The following GARNL3 variants were observed in gnomAD, a reference collection of about 807,000 sequenced individuals.
GARNL3 encodes the protein GTPase-activating Rap/Ran-GAP domain-like protein 3.
In GARNL3, 63 loss-of-function variants were observed where a neutral mutation model predicts 125.0. The ratio of observed to expected loss-of-function variants is 0.50; its 90% CI spans 0.41 to 0.62. The LOEUF (loss-of-function observed/expected upper bound fraction) is 0.62, where lower values mean the gene tolerates loss of function less well. GARNL3 is among the 20% of genes least tolerant of loss of function. GARNL3 has a pLI of 0.00. For missense variants in GARNL3, 994 were observed against 1,244.0 expected (o/e 0.80, Z 3.02); for synonymous variants, 439 against 457.5 (o/e 0.96, Z 0.52).
intron 4 of GARNL3, among the ~76,000 whole-genome samples, chr9:127,314,936 T>A (rs1372845667): frequency 6.6e-6 from 1 of 152,054 alleles, no homozygotes; most frequent in African/African-American, 2.4e-5. Flanking sequence ...AGAAGGGGAA[T>A]CAGAGAGTGT....
upstream of GARNL3, among the ~76,000 whole-genome samples, chr9:127,262,363 T>C (rs2063611795): frequency 6.6e-6 from 1 of 152,222 alleles, no homozygotes; most frequent in Admixed American, 6.5e-5. Context: ...CAGAGACCCA[T>C]GTTTTTCCAT....
At chr9:127,376,263 T>C (rs1408881120) in intron 22 of GARNL3, among the ~76,000 whole-genome samples, 1 of 149,138 alleles carries the variant, frequency 6.7e-6, no homozygotes, top group Admixed American at 6.7e-5. Flanking sequence ...CCCAGCCTCT[T>C]AACATTTTTT....
intron 21 of GARNL3, among the ~76,000 whole-genome samples, chr9:127,358,272 G>GTA (rs1452841314): frequency 6.6e-6 from 1 of 152,228 alleles, no homozygotes; most frequent in Non-Finnish European, 1.5e-5. Flanking sequence ...TTCAGCCCAC[G>GTA]TATGTATCTC....
At chr9:127,342,440 C>T (rs979459328) in intron 14 of GARNL3, 106 bp downstream of exon 14, 6 of 740,542 alleles carry the variant, frequency 8.1e-6, no homozygotes, top group Admixed American at 2.2e-5. Context: ...TAGGAGGCGC[C>T]TTGATCCTTG....
chr9:127,388,485 C>A (rs1832666763), intron 25 of GARNL3: 1 of 222,498 alleles, frequency 4.5e-6, no homozygotes, highest in East Asian at 1.3e-4. Flanking sequence ...TGCAGTCTTT[C>A]ACTCTATCTG....
rs141385898 is a variant in GARNL3 at position 127,369,984 on chromosome 9, G to A, written c.2161+4618G>A. Reference sequence around the variant, plus strand: ...ACACCTGAGAGCATCAGAGCCACAGGCAGCCGTGGCAGTGGTGCCCAAGGT... The same window carrying A: ...ACACCTGAGAGCATCAGAGCCACAGACAGCCGTGGCAGTGGTGCCCAAGGT... On this transcript the variant is annotated intron_variant, in intron 22 of 27. Transcript: ENST00000373387. Among the ~76,000 whole-genome samples the A allele has an allele frequency of 5.4e-3, 821 of 152,290 alleles. 6 individuals carry two copies. The highest frequency in any genetic ancestry group is 0.034 in the Middle Eastern group (10 of 294).
At chr9:127,312,927 C>A (rs1406459816) in intron 3 of GARNL3, among the ~76,000 whole-genome samples, 1 of 152,198 alleles carries the variant, frequency 6.6e-6, no homozygotes, top group African/African-American at 2.4e-5. Context: ...CTGACTCAAA[C>A]TGGCACAAAC....
chr9:127,229,022 C>T (rs929893337), intron 1 of GARNL3, among the ~76,000 whole-genome samples: 1 of 152,148 alleles, frequency 6.6e-6, no homozygotes, highest in Non-Finnish European at 1.5e-5. Context: ...CGGGGTTTCA[C>T]CATGATGGCC....
At chr9:127,379,233 G>C (rs1351853286) in intron 22 of GARNL3, among the ~76,000 whole-genome samples, 2 of 152,200 alleles carry the variant, frequency 1.3e-5, no homozygotes, top group Non-Finnish European at 2.9e-5. Flanking sequence ...CTTGGTTAGA[G>C]GTTAGTTGAC....
chr9:127,263,943 T>A, upstream of GARNL3: 1 of 1,517,438 alleles, frequency 6.6e-7, no homozygotes, highest in Non-Finnish European at 8.8e-7. Flanking sequence ...TTTCTGCATG[T>A]GCCAAGAGGG....
chr9:127,321,531 A>G (rs1266191742), intron 6 of GARNL3, among the ~76,000 whole-genome samples: 3 of 152,244 alleles, frequency 2.0e-5, no homozygotes, highest in African/African-American at 7.2e-5. Flanking sequence ...GTATCCAGAA[A>G]GCCATTCCTG....
upstream of GARNL3, among the ~76,000 whole-genome samples, chr9:127,260,542 G>A (rs1464575161): frequency 3.3e-5 from 5 of 152,124 alleles, no homozygotes; most frequent in African/African-American, 7.2e-5. Context: ...TATACTACAG[G>A]GATTGACAAA....
intron 1 of GARNL3, among the ~76,000 whole-genome samples, chr9:127,240,289 G>A (rs556023954): frequency 6.6e-5 from 10 of 152,154 alleles, no homozygotes; most frequent in Non-Finnish European, 8.8e-5. Flanking sequence ...TCCCTTTACC[G>A]TTTCTGTGCT....
chr9:127,345,450 G>C lies in GARNL3; in HGVS notation c.1404G>C (p.Leu468Phe). The C allele has an allele frequency of 1.2e-6, 2 of 1,608,110 alleles. No homozygotes were observed. Among genetic ancestry groups the C allele is most frequent in the Non-Finnish European group, 1.7e-6 (2 of 1,176,802 alleles). Residue 468 changes from leucine to phenylalanine, a missense_variant, in exon 16 of 28, where the codon TTG (leucine) becomes TTC (phenylalanine). By Grantham distance (22) the Leu-to-Phe change is conservative (BLOSUM62 0). Transcript: ENST00000373387. ...TGAGAGGGGATGCTCCATCAAGCTT[G>C]GCAGCTTCAGGGATCTGTAAAAAAG... ...SIVRGDAPSS[L>F]AASGICKKEP...
chr9:127,311,520 C>G (rs1455527922), intron 2 of GARNL3, 116 bp from the exon 3 acceptor site: 3 of 716,488 alleles, frequency 4.2e-6, no homozygotes, highest in African/African-American at 1.8e-5. Context: ...AGCCACAGCC[C>G]TTGGGTGTAT....
At position 127,333,305 on chromosome 9, in the gene GARNL3, G is replaced by A. The variant is rs765845463; in HGVS notation, c.769+184G>A. Among the ~76,000 whole-genome samples the A allele has an allele frequency of 8.5e-5, 13 of 152,272 alleles. No homozygotes were observed. The East Asian group carries it at 1.9e-3, about 23-fold the overall frequency. ...CTGTTTGGCATTTCCATTGAGCTTC[G>A]TAAAACTAAATCAGCCCTCACAGCC... is the stretch of plus-strand genomic sequence containing the variant. On this transcript the variant is annotated intron_variant, in intron 9 of 27. Coordinates refer to ENST00000373387, the MANE Select transcript of GARNL3 (RefSeq NM_032293.5).
At chr9:127,273,614 A>G (rs565864909) in intron 1 of GARNL3, among the ~76,000 whole-genome samples, 56 of 152,220 alleles carry the variant, frequency 3.7e-4, no homozygotes, top group Admixed American at 1.4e-3. Flanking sequence ...GACTTGTACC[A>G]TGGCATTATG....
At chr9:127,240,062 G>A (rs537089938) in intron 1 of GARNL3, among the ~76,000 whole-genome samples, 7 of 152,336 alleles carry the variant, frequency 4.6e-5, no homozygotes, top group African/African-American at 1.4e-4. Flanking sequence ...TATATTTACT[G>A]ATGTAGAAAG....
chr9:127,392,000 G>A lies in GARNL3; in HGVS notation c.2871-1083G>A, dbSNP rs969308234. Among the ~76,000 whole-genome samples, 6 of 152,182 alleles carry A rather than the reference G, an allele frequency of 3.9e-5. No individual in the cohort carries two copies. The East Asian group carries it at 1.2e-3, about 29-fold the overall frequency. ...TTAGTTGGGTATTAAGATATGGAAA[G>A]GACTAAGCCCCCACCTGTGCCTTCA... is the stretch of plus-strand genomic sequence containing the variant. On this transcript the variant is annotated intron_variant, in intron 27 of 27. Coordinates refer to ENST00000373387, the MANE Select transcript of GARNL3 (RefSeq NM_032293.5).
Sources: gnomAD v4.1 joint callset for allele counts (sites outside exome capture counted in the v4.1 genomes callset) on GRCh38, gnomAD v4.1.1 for gene constraint, MANE v1.5 for transcripts, NCBI Gene and HGNC (gene_info 2026-07-23, HGNC 2026-07-21) for gene names.